The following CCDC171 variants were observed in gnomAD, a reference collection of about 807,000 sequenced individuals.
The protein encoded by CCDC171 is coiled-coil domain containing 171.
CCDC171 carries 177 observed loss-of-function variants against 168.2 expected under a neutral mutation model. The observed-to-expected ratio is 1.05, with a 90% CI of 0.93 to 1.19. The LOEUF (loss-of-function observed/expected upper bound fraction) is 1.19. CCDC171 is among the 50% of genes most tolerant of loss of function. The probability of loss-of-function intolerance (pLI) is 0.00; values close to 1 mark genes in which losing one functional copy is unlikely to be tolerated. For missense variants in CCDC171, 1,991 were observed against 1,539.0 expected (o/e 1.29, Z -4.91); for synonymous variants, 687 against 540.8 (o/e 1.27, Z -3.75).
intron 6 of CCDC171, among the ~76,000 whole-genome samples, chr9:16,026,657 C>T (rs565390595): frequency 6.6e-6 from 1 of 152,082 alleles, no homozygotes; most frequent in Non-Finnish European, 1.5e-5. Flanking sequence ...ATTTCTCTGC[C>T]CCAACTTCCA....
chr9:15,562,503 G>A (rs147275746), intron 1 of CCDC171, among the ~76,000 whole-genome samples: 158 of 152,162 alleles, frequency 1.0e-3, no homozygotes, highest in Admixed American at 1.8e-3. Context: ...GAAGATGTTA[G>A]GTGCCAAAAT....
intron 21 of CCDC171, among the ~76,000 whole-genome samples, chr9:15,803,351 G>C (rs1563764624): frequency 6.6e-6 from 1 of 151,910 alleles, no homozygotes; most frequent in Non-Finnish European, 1.5e-5. Context: ...GTCCTGAATG[G>C]TATTGCCTAG....
At chr9:15,954,710 A>G (rs1430932339) in intron 25 of CCDC171, among the ~76,000 whole-genome samples, 1 of 150,514 alleles carries the variant, frequency 6.6e-6, no homozygotes, top group Non-Finnish European at 1.5e-5. Context: ...GAATCACTGT[A>G]GTGAATTTTT....
At chr9:15,624,867 A>G (rs1278437564) in intron 7 of CCDC171, among the ~76,000 whole-genome samples, 1 of 152,234 alleles carries the variant, frequency 6.6e-6, no homozygotes, top group African/African-American at 2.4e-5. Context: ...TTCTAGTTCT[A>G]GATCCTTGAA....
intron 10 of CCDC171, among the ~76,000 whole-genome samples, chr9:15,682,190 A>G (rs2050084913): frequency 6.6e-6 from 1 of 152,044 alleles, no homozygotes; most frequent in East Asian, 1.9e-4. Context: ...AAATTTTGAG[A>G]CTTACAAATA....
chr9:15,834,128 C>G (rs1282973256), intron 21 of CCDC171, among the ~76,000 whole-genome samples: 3 of 152,038 alleles, frequency 2.0e-5, no homozygotes, highest in Non-Finnish European at 4.4e-5. Context: ...AAAATTTGTT[C>G]ACTTTTTGAT....
chr9:15,989,141 C>T (rs552945839), intron 3 of CCDC171, among the ~76,000 whole-genome samples: 21 of 152,278 alleles, frequency 1.4e-4, no homozygotes, highest in South Asian at 4.1e-4. Flanking sequence ...TCAAGTGGGT[C>T]GCTGACCCCC....
At chr9:15,709,749 C>G (rs2052517425) in intron 11 of CCDC171, among the ~76,000 whole-genome samples, 1 of 152,084 alleles carries the variant, frequency 6.6e-6, no homozygotes, top group African/African-American at 2.4e-5. Context: ...TTCTTACTCC[C>G]AAGAGAAACC....
At chr9:15,647,833 T>C in intron 7 of CCDC171, among the ~76,000 whole-genome samples, 1 of 152,182 alleles carries the variant, frequency 6.6e-6, no homozygotes, top group East Asian at 1.9e-4. Flanking sequence ...GAGGAGTTGG[T>C]ACCATTCCTT....
chr9:15,598,936 C>T (rs1463603911), intron 6 of CCDC171, among the ~76,000 whole-genome samples: 13 of 152,116 alleles, frequency 8.5e-5, no homozygotes, highest in Non-Finnish European at 1.6e-4. Context: ...TCTTTGTTGG[C>T]TTAAAGTCTG....
intron 10 of CCDC171, among the ~76,000 whole-genome samples, chr9:15,681,080 A>T (rs1052932857): frequency 1.4e-4 from 22 of 152,088 alleles, no homozygotes; most frequent in African/African-American, 5.1e-4. Flanking sequence ...TTACAGAGTG[A>T]TATATGGCCT....
At chr9:15,566,415 C>T (rs1311833636) in intron 2 of CCDC171, among the ~76,000 whole-genome samples, 5 of 152,002 alleles carry the variant, frequency 3.3e-5, no homozygotes, top group African/African-American at 1.2e-4. Flanking sequence ...AAAAATTAGC[C>T]AGGCGTGGTG....
chr9:15,786,302 A>G (rs2057950634), intron 21 of CCDC171, among the ~76,000 whole-genome samples: 1 of 152,062 alleles, frequency 6.6e-6, no homozygotes, highest in Admixed American at 6.6e-5. Flanking sequence ...AACCGATATG[A>G]CTGTGAATTT....
intron 25 of CCDC171, among the ~76,000 whole-genome samples, chr9:15,966,819 G>C (rs1830836744): frequency 6.6e-6 from 1 of 151,958 alleles, no homozygotes; most frequent in African/African-American, 2.4e-5. Context: ...CTTGTTATTG[G>C]TAGCTAAAAG....
At chr9:15,916,729 T>C (rs1824576917) in intron 24 of CCDC171, among the ~76,000 whole-genome samples, 2 of 152,072 alleles carry the variant, frequency 1.3e-5, no homozygotes, top group Admixed American at 6.6e-5. Flanking sequence ...CTAATGCACG[T>C]ACACTTTTAA....
rs1191835470 is a variant in CCDC171, at chr9:15,861,529, T to C, written c.3468+12582T>C. Among the ~76,000 whole-genome samples the C allele has an allele frequency of 2.6e-5, 4 of 152,008 alleles. No homozygotes were observed. The East Asian group carries it at 7.8e-4, about 29-fold the overall frequency. ...TTCTTTTTTACTTTTGTGTAACTTATATGGGTATTTTGTTTCCAGTTACCC... is the reference window on the plus strand; with the variant it reads ...TTCTTTTTTACTTTTGTGTAACTTACATGGGTATTTTGTTTCCAGTTACCC... On this transcript the variant is annotated intron_variant, in intron 23 of 25. Coordinates refer to ENST00000380701, the MANE Select transcript of CCDC171 (RefSeq NM_173550.4).
chr9:16,071,956 C>T, the CCDC171 span, among the ~76,000 whole-genome samples: 1 of 152,226 alleles, frequency 6.6e-6, no homozygotes, highest in South Asian at 2.1e-4. Flanking sequence ...AACCAAATTC[C>T]TCACTGTTGT....
At chr9:15,918,327 A>G (rs528045056) in intron 24 of CCDC171, among the ~76,000 whole-genome samples, 1 of 151,584 alleles carries the variant, frequency 6.6e-6, no homozygotes, top group Non-Finnish European at 1.5e-5. Context: ...AGTAGACAAG[A>G]AAACGACTCT....
intron 9 of CCDC171, among the ~76,000 whole-genome samples, chr9:15,670,617 C>G (rs1484338802): frequency 6.6e-6 from 1 of 152,092 alleles, no homozygotes; most frequent in Non-Finnish European, 1.5e-5. Flanking sequence ...ATGCTTCTCC[C>G]ACACCACAGA....
Sources: allele counts gnomAD v4.1 joint callset (sites outside exome capture counted in the v4.1 genomes callset), GRCh38; gene constraint gnomAD v4.1.1; transcripts MANE v1.5; gene names NCBI Gene and HGNC (gene_info 2026-07-23, HGNC 2026-07-21).